Variants in TIGIT observed in about 807,000 individuals in gnomAD.
TIGIT encodes the protein T-cell immunoreceptor with Ig and ITIM domains.
In TIGIT, 11 loss-of-function variants were observed where a neutral mutation model predicts 19.6. That is an observed-to-expected ratio of 0.56 (90% CI 0.35 to 0.93). The LOEUF is 0.93. TIGIT is among the 40% of genes least tolerant of loss of function. The probability of loss-of-function intolerance (pLI) is 0.01; values close to 1 mark genes in which losing one functional copy is unlikely to be tolerated. For missense variants in TIGIT, 295 were observed against 303.9 expected, an observed-to-expected ratio of 0.97 and a Z score of 0.22; for synonymous variants, 130 against 125.5, an observed-to-expected ratio of 1.04 and a Z score of -0.24.
chr3:114,303,584 T>C (rs1166697703), intron 3 of TIGIT, among the ~76,000 whole-genome samples: 7,069 of 25,334 alleles, frequency 0.28, 617 homozygotes, highest in Middle Eastern at 0.46. Context: ...TATATATATA[T>C]ATACATATAT....
In TIGIT at chr3:114,307,294, G is replaced by A. The variant is rs555269769; in HGVS notation, c.499-601G>A. Among the ~76,000 whole-genome samples, 8 of 152,336 alleles carry A rather than the reference G, an allele frequency of 5.3e-5. No homozygotes were observed. The East Asian group carries it at 1.4e-3, about 26-fold the overall frequency. The stretch of plus-strand genomic sequence containing the variant: ...ACACCTGCATCTGGAGCTCAGGGCA[G>A]AAGCCTGGGCTAGTTTAGATAGAGA... On this transcript the variant is annotated intron_variant, in intron 3 of 3. Coordinates refer to ENST00000383671, the MANE Select transcript of TIGIT (RefSeq NM_173799.4).
At chr3:114,306,459 CTG>C (rs1443336666) in intron 3 of TIGIT, among the ~76,000 whole-genome samples, 2 of 150,912 alleles carry the variant, frequency 1.3e-5, no homozygotes, top group Non-Finnish European at 3.0e-5. Context: ...AGCCCATAGA[CTG>C]TGTTATTTAG....
rs563201127 is a variant in TIGIT, at chr3:114,295,515, G to C, written c.62-30G>C. ...GGTTGAAGGCCAGCTGCTGACCCAG[G>C]ACTCACATGTGCTTCGTCCTCTTCC... On this transcript the variant is annotated intron_variant, in intron 1 of 3. Coordinates refer to ENST00000383671, the MANE Select transcript of TIGIT (RefSeq NM_173799.4). 2.7e-5 allele frequency: 43 copies of C among 1,577,516 alleles called. No individual in the cohort carries two copies. The African/African-American group carries it at 4.3e-4, about 16-fold the overall frequency.
At chr3:114,307,312 G>A (rs184094858) in intron 3 of TIGIT, among the ~76,000 whole-genome samples, 162 of 152,310 alleles carry the variant, frequency 1.1e-3, no homozygotes, top group Middle Eastern at 3.4e-3. Flanking sequence ...GGCTAGTTTA[G>A]ATAGAGATTT....
At position 114,295,792 on chromosome 3, in the gene TIGIT, A is replaced by G. The variant is rs2078450019; in HGVS notation, c.309A>G (p.Thr103=). The G allele has an allele frequency of 1.2e-6, 2 of 1,614,166 alleles. No homozygotes were observed. The highest frequency in any genetic ancestry group is 2.2e-5 in the East Asian group (1 of 44,864). The change falls in exon 2 of 4, where the codon ACA becomes ACG. Residue 103 remains threonine (T), a synonymous_variant. Transcript: ENST00000383671. ...LTLQSLTVND[T]GEYFCIYHTY... ...TCCAGTCGCTGACCGTGAACGATAC[A>G]GGGGAGTACTTCTGCATCTATCACA...
intron 3 of TIGIT, among the ~76,000 whole-genome samples, chr3:114,302,210 T>C (rs1013726451): frequency 6.6e-6 from 1 of 152,210 alleles, no homozygotes; most frequent in South Asian, 2.1e-4. Context: ...TGCTTTGCAT[T>C]GGCTGACCTC....
At chr3:114,304,817 G>T (rs1471503294) in intron 3 of TIGIT, among the ~76,000 whole-genome samples, 6 of 152,202 alleles carry the variant, frequency 3.9e-5, no homozygotes, top group Non-Finnish European at 8.8e-5. Context: ...GAAGCAGGTG[G>T]TTCCTGGCTC....
Position 114,308,493 on chromosome 3 carries a change from G to A in TIGIT, c.*362G>A, listed in dbSNP as rs184552414. On this transcript the variant is annotated 3_prime_UTR_variant, in exon 4 of 4. Coordinates refer to ENST00000383671, the MANE Select transcript of TIGIT (RefSeq NM_173799.4). ...GCTACAAGGTTTTGTGGTTGATGAT[G>A]AGGATGGCATGACTGCAGAGCCATC... 185 of 193,590 alleles carry A rather than the reference G, an allele frequency of 9.6e-4. No homozygotes were observed. The highest frequency in any genetic ancestry group is 1.5e-3 in the Non-Finnish European group (139 of 93,884). The allele number at this position is 193,590 out of a possible 1,614,324, so 12.0% of individuals were successfully genotyped here. A position where few individuals can be genotyped will look rare whatever the true frequency, so the allele number is the denominator to read the frequency against.
intron 3 of TIGIT, among the ~76,000 whole-genome samples, chr3:114,306,765 T>TC (rs2078537785): frequency 1.7e-5 from 2 of 118,160 alleles, no homozygotes; most frequent in African/African-American, 5.9e-5. Flanking sequence ...TTATGAGGAA[T>TC]GTAGTGAAAT....
intron 2 of TIGIT, 105 bp downstream of exon 2, chr3:114,295,979 G>GAATCACCTGAGGAGATTTTA: frequency 1.1e-6 from 1 of 914,370 alleles, no homozygotes; most frequent in Non-Finnish European, 1.6e-6. Context: ...GATCACATTT[G>GAATCACCTGAGGAGATTTTA]AATCACCTGA....
In TIGIT at chr3:114,298,528, A is replaced by C. The variant is rs1006913387; in HGVS notation, c.392-1069A>C. 3.9e-5 allele frequency among the ~76,000 whole-genome samples: 6 copies of C among 152,294 alleles called. No homozygotes were observed. The East Asian group carries it at 7.7e-4, about 20-fold the overall frequency. ...CCTGGTTTTATGGATAGCCCTCTGCAGCCCCTCTTACCTGCTGCAGTGTGT... is the reference window on the plus strand; with the variant it reads ...CCTGGTTTTATGGATAGCCCTCTGCCGCCCCTCTTACCTGCTGCAGTGTGT... On this transcript the variant is annotated intron_variant, in intron 2 of 3. Coordinates refer to ENST00000383671, the MANE Select transcript of TIGIT (RefSeq NM_173799.4).
chr3:114,296,925 G>A (rs887250853), intron 2 of TIGIT, among the ~76,000 whole-genome samples: 62 of 128,918 alleles, frequency 4.8e-4, no homozygotes, highest in South Asian at 2.4e-4. Flanking sequence ...ACGGAGTTTC[G>A]CTCTTGTTGC....
At chr3:114,301,274 C>T (rs375323945) in intron 3 of TIGIT, among the ~76,000 whole-genome samples, 28 of 152,212 alleles carry the variant, frequency 1.8e-4, no homozygotes, top group African/African-American at 6.3e-4. Flanking sequence ...TTTCCTCCAA[C>T]TCTAATTCCA....
chr3:114,303,647 A>G lies in TIGIT; in HGVS notation c.498+3944A>G, dbSNP rs2078512378. ...TATATATATACACACACACACACAC[A>G]CACACACACAGACACATTACAATTT... On this transcript the variant is annotated intron_variant, in intron 3 of 3. Transcript: ENST00000383671. 1.4e-5 allele frequency among the ~76,000 whole-genome samples: 2 copies of G among 146,836 alleles called. 1 individual carries two copies.
At position 114,295,833 on chromosome 3, in the gene TIGIT, C is replaced by T. The variant is rs201219748; in HGVS notation, c.350C>T (p.Thr117Met). 2.0e-5 allele frequency: 32 copies of T among 1,610,734 alleles called. No homozygotes were observed. The highest frequency in any genetic ancestry group is 1.3e-4 in the East Asian group (6 of 44,766). Reference sequence around the variant, plus strand: ...ATCTATCACACCTACCCTGATGGGACGTACACTGGGAGAATCTTCCTGGAG... The same window carrying T: ...ATCTATCACACCTACCCTGATGGGATGTACACTGGGAGAATCTTCCTGGAG... The part of the protein sequence containing the change: ...FCIYHTYPDG[T>M]YTGRIFLEVL... The change falls in exon 2 of 4, where the codon ACG becomes ATG. Residue 117 changes from threonine to methionine, a missense_variant. Coordinates refer to ENST00000383671, the MANE Select transcript of TIGIT (RefSeq NM_173799.4).
At chr3:114,300,601 C>CAA (rs2078486533) in intron 3 of TIGIT, among the ~76,000 whole-genome samples, 1 of 151,964 alleles carries the variant, frequency 6.6e-6, no homozygotes, top group African/African-American at 2.4e-5. Context: ...TATTTTCTGC[C>CAA]GCTGTAACAG....
chr3:114,302,554 C>T (rs2078499177), intron 3 of TIGIT, among the ~76,000 whole-genome samples: 1 of 152,194 alleles, frequency 6.6e-6, no homozygotes, highest in Non-Finnish European at 1.5e-5. Flanking sequence ...TCTTGGCTCC[C>T]ATTGAAGTAA....
chr3:114,303,101 T>G (rs2107952447), intron 3 of TIGIT, among the ~76,000 whole-genome samples: 1 of 152,272 alleles, frequency 6.6e-6, no homozygotes, highest in Admixed American at 6.5e-5. Context: ...AATAAAATAT[T>G]CGTTTTTCTT....
rs2078549184 is a variant in TIGIT at position 114,308,232 on chromosome 3, T to C, written c.*101T>C. 1.2e-6 allele frequency: 1 copy of C among 840,778 alleles called. No individual in the cohort carries two copies. Among genetic ancestry groups the C allele is most frequent in the African/African-American group, 1.7e-5 (1 of 59,218 alleles). 52.1% of individuals were successfully genotyped at this position (840,778 alleles called of 1,614,324 possible). A position where few individuals can be genotyped will look rare whatever the true frequency, so the allele number is the denominator to read the frequency against. On this transcript the variant is annotated 3_prime_UTR_variant, in exon 4 of 4. Transcript: ENST00000383671. ...CATCAGTGCTGCGTGTGTGTGTGTG[T>C]GTGTATGTGTGTGTGTGTTCAGTTG... is the stretch of plus-strand genomic sequence containing the variant.
Sources: gnomAD v4.1 joint callset for allele counts (sites outside exome capture counted in the v4.1 genomes callset) on GRCh38, gnomAD v4.1.1 for gene constraint, MANE v1.5 for transcripts, NCBI Gene and HGNC (gene_info 2026-07-23, HGNC 2026-07-21) for gene names.